ANK3: variants seen among roughly 807,000 people sequenced by gnomAD.
ANK3 encodes ankyrin-3.
In ANK3, 57 loss-of-function variants were observed where a neutral mutation model predicts 370.9. The ratio of observed to expected loss-of-function variants is 0.15; its 90% confidence interval spans 0.12 to 0.19. The LOEUF is 0.19. Ranked by LOEUF, ANK3 falls within the 10% of genes least tolerant of loss-of-function variation. The pLI is 1.00. For missense variants in ANK3, 4,439 were observed against 5,302.1 expected, an observed-to-expected ratio of 0.84 and a Z score of 5.06; for synonymous variants, 1,929 against 1,946.3, an observed-to-expected ratio of 0.99 and a Z score of 0.23.
At chr10:60,356,062 C>T (rs4948409) in intron 1 of ANK3, among the ~76,000 whole-genome samples, 103,892 of 152,046 alleles carry the variant, frequency 0.68, 36,978 homozygotes, top group South Asian at 0.9. Flanking sequence ...AAAATATGTG[C>T]CGGGCTGCTT....
chr10:60,171,300 G>A (rs2095787444), intron 21 of ANK3, among the ~76,000 whole-genome samples: 1 of 152,146 alleles, frequency 6.6e-6, no homozygotes, highest in South Asian at 2.1e-4. Flanking sequence ...GTAATCAGCA[G>A]GCTTGTTTTT....
intron 2 of ANK3, among the ~76,000 whole-genome samples, chr10:60,517,263 A>G (rs972140050): frequency 1.3e-5 from 2 of 152,040 alleles, no homozygotes; most frequent in African/African-American, 4.8e-5. Context: ...GAGGTTTCCC[A>G]TGTTGGCCAG....
intron 25 of ANK3, among the ~76,000 whole-genome samples, chr10:60,116,797 A>T: frequency 6.6e-6 from 1 of 152,190 alleles, no homozygotes; most frequent in East Asian, 1.9e-4. Context: ...TTGTGAACAA[A>T]GGAAAATAAA....
At position 60,071,991 on chromosome 10, in the gene ANK3, C is replaced by T. The variant is rs763868881; in HGVS notation, c.8890G>A (p.Val2964Ile). ...GACAGCATTCTCCTCTCATCAGCAA[C>T]TCTGACGGGAATGTGTGACACTGCT... ...SSAVSHIPVR[V>I]ADERRMLSSN... Residue 2964 changes from valine to isoleucine, a missense_variant, in exon 37 of 44, where the codon GTT becomes ATT. By Grantham distance (29) the Val-to-Ile change is conservative (BLOSUM62 3). Coordinates refer to ENST00000280772, the MANE Select transcript of ANK3 (RefSeq NM_020987.5). 2 of 1,614,118 alleles carry T rather than the reference C, an allele frequency of 1.2e-6. No individual in the cohort carries two copies. The highest frequency in any genetic ancestry group is 2.2e-5 in the South Asian group (2 of 91,080).
chr10:60,497,710 C>A (rs1031790011), intron 2 of ANK3, among the ~76,000 whole-genome samples: 1 of 152,132 alleles, frequency 6.6e-6, no homozygotes, highest in Non-Finnish European at 1.5e-5. Flanking sequence ...GGCACTGTAG[C>A]CATCTATTTT....
chr10:60,701,529 G>A (rs2079545861), intron 1 of ANK3, among the ~76,000 whole-genome samples: 1 of 152,122 alleles, frequency 6.6e-6, no homozygotes, highest in African/African-American at 2.4e-5. Flanking sequence ...TACTCATGAA[G>A]AAATGACAAG....
At chr10:60,353,872 T>C (rs1388045038) in intron 1 of ANK3, among the ~76,000 whole-genome samples, 1 of 152,214 alleles carries the variant, frequency 6.6e-6, no homozygotes, top group Non-Finnish European at 1.5e-5. Flanking sequence ...CTGTTAATTT[T>C]CCCCAGTAGT....
intron 1 of ANK3, among the ~76,000 whole-genome samples, chr10:60,660,476 A>G (rs532672731): frequency 5.8e-4 from 88 of 152,140 alleles, no homozygotes; most frequent in African/African-American, 2.0e-3. Flanking sequence ...ATCATTTCTG[A>G]TGCTCTTCAT....
intron 8 of ANK3, among the ~76,000 whole-genome samples, chr10:60,228,317 C>A (rs146818595): frequency 6.6e-6 from 1 of 151,890 alleles, no homozygotes; most frequent in Non-Finnish European, 1.5e-5. Context: ...GGGCGGATCA[C>A]GAGGTCAAGA....
At chr10:60,322,162 AT>A (rs571637513) in intron 1 of ANK3, among the ~76,000 whole-genome samples, 3 of 152,058 alleles carry the variant, frequency 2.0e-5, no homozygotes, top group Non-Finnish European at 4.4e-5. Context: ...ACAAAGATTC[AT>A]TTTTTTACAA....
intron 2 of ANK3, among the ~76,000 whole-genome samples, chr10:60,412,941 G>A (rs951238192): frequency 6.6e-6 from 1 of 152,140 alleles, no homozygotes; most frequent in African/African-American, 2.4e-5. Context: ...TACATAATAA[G>A]GTCTCAATAA....
At chr10:60,270,904 T>C (rs142838621) in intron 4 of ANK3, among the ~76,000 whole-genome samples, 1,711 of 152,300 alleles carry the variant, frequency 0.011, 26 homozygotes, top group South Asian at 0.036. Flanking sequence ...GGTAGTTTAA[T>C]GTTCAGAATA....
In ANK3 at chr10:60,060,296, A is replaced by G. The variant is rs80166289; in HGVS notation, c.12596-866T>C. 546 of 206,298 alleles carry G rather than the reference A, an allele frequency of 2.6e-3. 8 individuals are homozygous for G. In the East Asian group the frequency reaches 0.039, roughly 15 times the overall value. The allele number at this position is 206,298 out of a possible 1,614,324, so 12.8% of individuals were successfully genotyped here. On this transcript the variant is annotated intron_variant, in intron 40 of 43. Transcript: ENST00000280772. ...AATCCAAAGTATGCAGACTAAATATATAAAGTTTATATATTTAAGTTTATA... is the reference window on the plus strand; with the variant it reads ...AATCCAAAGTATGCAGACTAAATATGTAAAGTTTATATATTTAAGTTTATA...
chr10:60,723,083 AT>A (rs1386784214), intron 1 of ANK3, among the ~76,000 whole-genome samples: 1 of 152,268 alleles, frequency 6.6e-6, no homozygotes, highest in Non-Finnish European at 1.5e-5. Flanking sequence ...TACATTAAAA[AT>A]ATATCAATAT....
In ANK3 at chr10:60,305,549, C is replaced by T. The variant is rs118182049; in HGVS notation, c.115-25910G>A. ...GTGAGAAGAGACAGCAGTTGGTTAT[C>T]GTCTTTTTAAACACTCCATGCTGTT... On this transcript the variant is annotated intron_variant, in intron 1 of 43. Coordinates refer to ENST00000280772, the MANE Select transcript of ANK3 (RefSeq NM_020987.5). 8.2e-3 allele frequency among the ~76,000 whole-genome samples: 1,250 copies of T among 152,268 alleles called. 8 individuals carry two copies. Among genetic ancestry groups the T allele is most frequent in the Non-Finnish European group, 0.013 (914 of 68,028 alleles).
chr10:60,065,502 A>C (rs1411349518), intron 38 of ANK3, among the ~76,000 whole-genome samples: 1 of 152,236 alleles, frequency 6.6e-6, no homozygotes, highest in Non-Finnish European at 1.5e-5. Flanking sequence ...AAAAAAGTCC[A>C]TTATCTTTTG....
At chr10:60,243,880 A>T (rs2097513562) in intron 7 of ANK3, among the ~76,000 whole-genome samples, 1 of 152,190 alleles carries the variant, frequency 6.6e-6, no homozygotes, top group East Asian at 1.9e-4. Flanking sequence ...ATGAGCTCAG[A>T]ACAGGCTGTG....
At chr10:60,709,231 A>G (rs1182116844) in intron 1 of ANK3, among the ~76,000 whole-genome samples, 2 of 152,326 alleles carry the variant, frequency 1.3e-5, no homozygotes, top group East Asian at 3.9e-4. Context: ...TGAATACACT[A>G]AGGGCTCTGT....
chr10:60,449,876 TA>T (rs1165825050), intron 2 of ANK3, among the ~76,000 whole-genome samples: 2 of 152,204 alleles, frequency 1.3e-5, no homozygotes, highest in Non-Finnish European at 2.9e-5. Context: ...GATGGCTGTT[TA>T]CACAACTAAG....
Sources: gnomAD v4.1 joint callset for allele counts (sites outside exome capture counted in the v4.1 genomes callset) on GRCh38, gnomAD v4.1.1 for gene constraint, MANE v1.5 for transcripts, NCBI Gene and HGNC (gene_info 2026-07-23, HGNC 2026-07-21) for gene names.